SORCS1: variants seen among roughly 807,000 people sequenced by gnomAD.
The protein encoded by SORCS1 is sortilin related VPS10 domain containing receptor 1, also known as VPS10 domain-containing receptor SorCS1.
SORCS1 carries 60 observed loss-of-function variants against 146.1 expected under a neutral mutation model. The ratio of observed to expected loss-of-function variants is 0.41; its 90% confidence interval spans 0.33 to 0.51. The LOEUF (loss-of-function observed/expected upper bound fraction) is 0.51. Among genes scored for constraint, SORCS1 ranks in the 20% least tolerant of loss-of-function variants. The probability of loss-of-function intolerance (pLI) is 0.21; values close to 1 mark genes in which losing one functional copy is unlikely to be tolerated. For missense variants in SORCS1, 1,352 were observed against 1,487.6 expected (o/e 0.91, Z 1.50); for synonymous variants, 637 against 584.0 (o/e 1.09, Z -1.31).
intron 2 of SORCS1, among the ~76,000 whole-genome samples, chr10:106,931,954 T>C (rs1426302616): frequency 2.0e-5 from 3 of 152,160 alleles, no homozygotes; most frequent in Non-Finnish European, 2.9e-5. Context: ...AAATATCTCA[T>C]GGGGAAAAAC....
At chr10:106,610,723 G>A (rs142557418) in intron 22 of SORCS1, among the ~76,000 whole-genome samples, 165 of 152,232 alleles carry the variant, frequency 1.1e-3, no homozygotes, top group African/African-American at 3.7e-3. Flanking sequence ...GATTTTCCGC[G>A]TTTGCACAAT....
intron 19 of SORCS1, 31 bp from the exon 20 acceptor site, chr10:106,620,592 T>C (rs1847676341): frequency 9.9e-6 from 16 of 1,608,690 alleles, no homozygotes; most frequent in Non-Finnish European, 1.4e-5. Context: ...AGGCCATGGA[T>C]GGGGAAGAGC....
rs974859199 is a variant in SORCS1, at chr10:106,862,762, G to A, written c.627-33089C>T. Among the ~76,000 whole-genome samples the A allele has an allele frequency of 5.6e-5, 7 of 123,966 alleles. No homozygotes were observed. In the South Asian group the frequency reaches 7.8e-4, roughly 14 times the overall value. The allele number at this position is 123,966 out of a possible 152,430, so 81.3% of individuals were successfully genotyped here. A position where few individuals can be genotyped will look rare whatever the true frequency, so the allele number is the denominator to read the frequency against. On this transcript the variant is annotated intron_variant, in intron 2 of 25. Coordinates refer to ENST00000263054, the MANE Select transcript of SORCS1 (RefSeq NM_052918.5). The stretch of plus-strand genomic sequence containing the variant: ...AGATCAAGACCATCCTGGCTAACAC[G>A]GTGAAACCCTGTCTCTACAAAAAAA...
intron 1 of SORCS1, among the ~76,000 whole-genome samples, chr10:106,971,788 T>C (rs991550730): frequency 6.6e-6 from 1 of 152,216 alleles, no homozygotes; most frequent in Non-Finnish European, 1.5e-5. Flanking sequence ...CAGTTTCTTC[T>C]ATCTAGGAAA....
upstream of SORCS1, among the ~76,000 whole-genome samples, chr10:107,165,078 A>G (rs1025033709): frequency 2.0e-5 from 3 of 151,942 alleles, no homozygotes; most frequent in Admixed American, 6.6e-5. The surrounding 1 kb of genome is among the most constrained non-coding windows in gnomAD (Gnocchi z 4.0). Context: ...TATTGTTTCT[A>G]TGAGTCTATG....
At chr10:106,814,837 C>A (rs2136841507) in intron 3 of SORCS1, among the ~76,000 whole-genome samples, 1 of 138,648 alleles carries the variant, frequency 7.2e-6, no homozygotes, top group South Asian at 2.4e-4. Context: ...ATGACGTAAA[C>A]CTGGGAGGCG....
intron 1 of SORCS1, among the ~76,000 whole-genome samples, chr10:107,110,363 G>T (rs1965609781): frequency 6.6e-6 from 1 of 152,164 alleles, no homozygotes; most frequent in Non-Finnish European, 1.5e-5. Flanking sequence ...TTGGCTCACA[G>T]TTCTTCATGC....
chr10:107,038,696 C>G (rs1362350915), intron 1 of SORCS1, among the ~76,000 whole-genome samples: 103 of 149,920 alleles, frequency 6.9e-4, no homozygotes, highest in African/African-American at 1.3e-3. Flanking sequence ...GGGCAGGGGG[C>G]GGGGGGGGAG....
At chr10:106,714,047 A>C (rs1016412739) in intron 6 of SORCS1, among the ~76,000 whole-genome samples, 4 of 146,018 alleles carry the variant, frequency 2.7e-5, no homozygotes, top group Admixed American at 7.4e-5. Flanking sequence ...GAGACAGCAG[A>C]ATCACTTTAA....
intron 1 of SORCS1, among the ~76,000 whole-genome samples, chr10:107,011,868 A>T (rs1957709354): frequency 6.6e-6 from 1 of 152,236 alleles, no homozygotes; most frequent in Non-Finnish European, 1.5e-5. Context: ...TGGGTTATAA[A>T]ACACTAGATC....
intron 3 of SORCS1, among the ~76,000 whole-genome samples, chr10:106,809,978 C>T (rs549535368): frequency 2.9e-4 from 44 of 152,250 alleles, no homozygotes; most frequent in Admixed American, 7.9e-4. Flanking sequence ...CCCAGCATTT[C>T]GGAAGGCAGA....
intron 1 of SORCS1, among the ~76,000 whole-genome samples, chr10:107,020,149 G>A (rs1457724470): frequency 6.6e-6 from 1 of 152,200 alleles, no homozygotes; most frequent in Non-Finnish European, 1.5e-5. Flanking sequence ...AGACAAGAAT[G>A]ATAAAAACAA....
chr10:106,904,321 G>A (rs762236499), intron 2 of SORCS1, among the ~76,000 whole-genome samples: 2 of 152,120 alleles, frequency 1.3e-5, no homozygotes, highest in Non-Finnish European at 2.9e-5. Context: ...AATATCTTCA[G>A]CTCTAATCAA....
At chr10:106,620,271 T>G (rs1283217059) in intron 20 of SORCS1, 157 bp downstream of exon 20, 1 of 810,230 alleles carries the variant, frequency 1.2e-6, no homozygotes, top group Non-Finnish European at 1.8e-6. Context: ...AGAGAGAACA[T>G]AATGATGAGA....
At chr10:106,775,359 T>C (rs556162473) in intron 4 of SORCS1, among the ~76,000 whole-genome samples, 129 of 151,910 alleles carry the variant, frequency 8.5e-4, no homozygotes, top group African/African-American at 3.0e-3. Flanking sequence ...GTAGCCAGGC[T>C]GCTCAACAGG....
chr10:106,779,621 G>T (rs191190463), intron 3 of SORCS1, among the ~76,000 whole-genome samples: 54 of 144,600 alleles, frequency 3.7e-4, no homozygotes, highest in African/African-American at 1.3e-3. Flanking sequence ...CACAATCTCA[G>T]CTCACTGCAA....
At chr10:106,602,554 C>A (rs956983401) in intron 23 of SORCS1, among the ~76,000 whole-genome samples, 4 of 132,950 alleles carry the variant, frequency 3.0e-5, no homozygotes, top group African/African-American at 5.2e-5. Context: ...CACACACAAA[C>A]ACACACACAA....
intron 2 of SORCS1, among the ~76,000 whole-genome samples, chr10:106,882,659 ACT>A (rs534431740): frequency 1.9e-3 from 284 of 152,262 alleles, no homozygotes; most frequent in African/African-American, 6.3e-3. Flanking sequence ...ACACACGCAC[ACT>A]CACACTCACA....
At chr10:107,140,769 G>A (rs1053622399) in intron 1 of SORCS1, among the ~76,000 whole-genome samples, 43 of 152,192 alleles carry the variant, frequency 2.8e-4, no homozygotes, top group Admixed American at 2.8e-3. Flanking sequence ...AATTCTGGCT[G>A]AGCATTGGAC....
Sources: allele counts gnomAD v4.1 joint callset (sites outside exome capture counted in the v4.1 genomes callset), GRCh38; gene constraint gnomAD v4.1.1; non-coding constraint Gnocchi (gnomAD v3.1); transcripts MANE v1.5; gene names NCBI Gene and HGNC (gene_info 2026-07-23, HGNC 2026-07-21).